LIMCH1: variants seen among roughly 807,000 people sequenced by gnomAD.
LIMCH1 encodes the protein LIM and calponin homology domains 1.
LIMCH1 carries 113 observed loss-of-function variants against 176.5 expected under a neutral mutation model. That is an observed-to-expected ratio of 0.64 (90% confidence interval 0.55 to 0.75). The LOEUF is 0.75. Among genes scored for constraint, LIMCH1 ranks in the 30% least tolerant of loss-of-function variants. The probability of loss-of-function intolerance (pLI) is 0.00; values close to 1 mark genes in which losing one functional copy is unlikely to be tolerated. For missense variants in LIMCH1, 1,674 were observed against 1,814.9 expected (o/e 0.92, Z 1.41); for synonymous variants, 619 against 645.9 (o/e 0.96, Z 0.63).
intron 2 of LIMCH1, 69 bp downstream of exon 2, chr4:41,599,095 T>A: frequency 1.1e-6 from 1 of 909,966 alleles, no homozygotes; most frequent in Non-Finnish European, 1.8e-6. Context: ...TGTGATGATG[T>A]TGTAAGTTCT....
intron 1 of LIMCH1, among the ~76,000 whole-genome samples, chr4:41,572,615 T>C (rs1561791822): frequency 2.0e-5 from 3 of 152,174 alleles, no homozygotes; most frequent in African/African-American, 7.2e-5. Context: ...GTGAAACAGA[T>C]TCTCTCATAA....
chr4:41,362,656 A>G (rs2052313363), intron 1 of LIMCH1, among the ~76,000 whole-genome samples: 1 of 152,246 alleles, frequency 6.6e-6, no homozygotes. Flanking sequence ...TTACACATGT[A>G]AAAGTGCACA....
chr4:41,513,974 C>A (rs2075254995), intron 2 of LIMCH1, among the ~76,000 whole-genome samples: 1 of 127,008 alleles, frequency 7.9e-6, no homozygotes, highest in African/African-American at 3.0e-5. Flanking sequence ...CCACTGTACT[C>A]CAGCCTGGGT....
intron 4 of LIMCH1, among the ~76,000 whole-genome samples, chr4:41,606,960 G>A (rs1305369464): frequency 1.3e-5 from 2 of 152,090 alleles, no homozygotes; most frequent in African/African-American, 4.8e-5. Flanking sequence ...CACTAAGCCT[G>A]GCTAATTTTT....
chr4:41,562,339 T>C (rs936378607), intron 1 of LIMCH1, among the ~76,000 whole-genome samples: 3 of 152,194 alleles, frequency 2.0e-5, no homozygotes, highest in Admixed American at 2.0e-4. Flanking sequence ...AGTCAGGCTT[T>C]CTGAGTGGTA....
chr4:41,440,593 C>T (rs1050989766), intron 1 of LIMCH1, among the ~76,000 whole-genome samples: 14 of 152,102 alleles, frequency 9.2e-5, no homozygotes, highest in South Asian at 4.1e-4. Context: ...AGTGCAGTGG[C>T]GCAATCTTGG....
At chr4:41,618,994 A>AT (rs887372477) in intron 5 of LIMCH1, among the ~76,000 whole-genome samples, 194 bp from the exon 6 acceptor site, 2 of 151,792 alleles carry the variant, frequency 1.3e-5, no homozygotes, top group African/African-American at 2.4e-5. Context: ...TTTTTTCCTG[A>AT]TTTTTTTCCT....
At chr4:41,564,248 G>C (rs1431915624) in intron 1 of LIMCH1, among the ~76,000 whole-genome samples, 1 of 152,146 alleles carries the variant, frequency 6.6e-6, no homozygotes, top group Non-Finnish European at 1.5e-5. Context: ...TGGTAGACCT[G>C]GAATTAGAAT....
At chr4:41,476,688 T>C (rs948720756) in intron 1 of LIMCH1, among the ~76,000 whole-genome samples, 1 of 152,250 alleles carries the variant, frequency 6.6e-6, no homozygotes, top group Non-Finnish European at 1.5e-5. Flanking sequence ...TGGTATTAAA[T>C]GAGGCATCTT....
chr4:41,626,504 A>G (rs1372531882), intron 7 of LIMCH1, among the ~76,000 whole-genome samples: 1 of 152,152 alleles, frequency 6.6e-6, no homozygotes, highest in Non-Finnish European at 1.5e-5. Context: ...AATTTTTAGT[A>G]TTGCTAGTGT....
rs1004338749 is a variant in LIMCH1, at chr4:41,450,823, A to T, written c.97-43713A>T. Reference sequence around the variant, plus strand: ...CAAAAAAAAAAAAAAAAAAAAAAAAAGTTGTAGGGGATGTTGCTGTACAGT... The same window carrying T: ...CAAAAAAAAAAAAAAAAAAAAAAAATGTTGTAGGGGATGTTGCTGTACAGT... On this transcript the variant is annotated intron_variant, in intron 1 of 26. Transcript: ENST00000313860. Among the ~76,000 whole-genome samples, 27 of 145,164 alleles carry T rather than the reference A, an allele frequency of 1.9e-4. No individual in the cohort carries two copies. The South Asian group carries it at 4.7e-3, about 25-fold the overall frequency.
intron 1 of LIMCH1, among the ~76,000 whole-genome samples, chr4:41,426,017 CTTTTTT>C (rs913325890): frequency 1.3e-3 from 131 of 102,860 alleles, no homozygotes; most frequent in Middle Eastern, 6.0e-3. Flanking sequence ...TGAAAAGATT[CTTTTTT>C]TTTTTTTTTT....
At chr4:41,360,682 T>C (rs566760347), upstream of LIMCH1, 207 of 371,854 alleles carry the variant, frequency 5.6e-4, 1 homozygote, top group African/African-American at 4.2e-3. The surrounding 1 kb of genome is among the most constrained non-coding windows in gnomAD (Gnocchi z 4.5). Context: ...CGGCGTCCTC[T>C]AGCAGCGCGC....
intron 1 of LIMCH1, among the ~76,000 whole-genome samples, chr4:41,488,830 C>T (rs570470670): frequency 6.6e-6 from 1 of 152,120 alleles, no homozygotes; most frequent in African/African-American, 2.4e-5. Context: ...CAGGGTAATA[C>T]TAACCTATTA....
chr4:41,623,796 A>G (rs970427444), intron 7 of LIMCH1, among the ~76,000 whole-genome samples: 7 of 152,190 alleles, frequency 4.6e-5, no homozygotes, highest in African/African-American at 1.4e-4. Flanking sequence ...GCAAAGGTGC[A>G]TGTTATTTCA....
chr4:41,424,206 A>G (rs551002490), intron 1 of LIMCH1, among the ~76,000 whole-genome samples: 14 of 152,034 alleles, frequency 9.2e-5, no homozygotes, highest in Admixed American at 2.6e-4. Context: ...TGAACATGGA[A>G]CTCTGCTAAT....
chr4:41,644,730 C>A (rs761369154), intron 15 of LIMCH1, 104 bp downstream of exon 15: 17 of 1,385,724 alleles, frequency 1.2e-5, no homozygotes, highest in Non-Finnish European at 1.6e-5. Context: ...GGAAAGGGAG[C>A]CCCTAGAGGG....
At chr4:41,684,556 A>C in intron 27 of LIMCH1, 38 bp downstream of exon 27, 2 of 1,608,120 alleles carry the variant, frequency 1.2e-6, no homozygotes, top group Non-Finnish European at 1.7e-6. Context: ...CAATGTTTAA[A>C]TTGTTGTAAG....
chr4:41,682,604 A>G, intron 26 of LIMCH1, 144 bp downstream of exon 26: 2 of 654,544 alleles, frequency 3.1e-6, no homozygotes, highest in Non-Finnish European at 4.8e-6. Flanking sequence ...TTGTTTGGAC[A>G]TATTTTGTAA....
Sources: gnomAD v4.1 joint callset for allele counts (sites outside exome capture counted in the v4.1 genomes callset) on GRCh38, gnomAD v4.1.1 for gene constraint, Gnocchi (gnomAD v3.1) non-coding constraint, MANE v1.5 for transcripts, NCBI Gene and HGNC (gene_info 2026-07-23, HGNC 2026-07-21) for gene names.